Variants in SRL observed in about 807,000 individuals in gnomAD.
SRL encodes the protein sarcalumenin.
A neutral mutation model predicts 39.5 loss-of-function variants in SRL; 23 were observed. The observed-to-expected ratio is 0.58, with a 90% CI of 0.42 to 0.82. The LOEUF is 0.82. Among genes scored for constraint, SRL ranks in the 40% least tolerant of loss-of-function variants. The probability of loss-of-function intolerance (pLI) is 0.00; values close to 1 mark genes in which losing one functional copy is unlikely to be tolerated. For missense variants in SRL, 592 were observed against 607.8 expected (o/e 0.97, Z 0.27); for synonymous variants, 272 against 237.4 (o/e 1.15, Z -1.34).
chr16:4,229,745 T>G (rs959720426), intron 1 of SRL, among the ~76,000 whole-genome samples: 1 of 152,060 alleles, frequency 6.6e-6, no homozygotes, highest in African/African-American at 2.4e-5. Context: ...ACTACATCCA[T>G]GTAAAAAACC....
intron 1 of SRL, among the ~76,000 whole-genome samples, chr16:4,218,951 T>G (rs1307306582): frequency 2.0e-5 from 3 of 152,254 alleles, no homozygotes; most frequent in Non-Finnish European, 4.4e-5. Flanking sequence ...GGCCAGATTT[T>G]TCAACCTTCT....
chr16:4,213,398 CTTTT>C (rs2052416720), intron 1 of SRL, among the ~76,000 whole-genome samples: 1 of 96,296 alleles, frequency 1.0e-5, no homozygotes, highest in Non-Finnish European at 2.1e-5. Flanking sequence ...TTTTCTTTTT[CTTTT>C]TCTTTTTTTT....
rs1261098048 is a variant in SRL at position 4,190,486 on chromosome 16, C to G, written c.*1667G>C. 5.0e-6 allele frequency: 2 copies of G among 398,698 alleles called. No individual in the cohort carries two copies. The highest frequency in any genetic ancestry group is 8.8e-6 in the Non-Finnish European group (2 of 226,240). 24.7% of individuals were successfully genotyped at this position (398,698 alleles called of 1,614,324 possible). A position where few individuals can be genotyped will look rare whatever the true frequency, so the allele number is the denominator to read the frequency against. On this transcript the variant is annotated 3_prime_UTR_variant, in exon 6 of 6. Coordinates refer to ENST00000399609, the MANE Select transcript of SRL (RefSeq NM_001098814.2). ...CTCCTGGGCATGCACAGACTGTGCA[C>G]CATGCACATTTCACCATCCAAAGGC...
chr16:4,231,135 C>T (rs111609287), intron 1 of SRL, among the ~76,000 whole-genome samples: 24,737 of 151,992 alleles, frequency 0.16, 4,530 homozygotes, highest in African/African-American at 0.46. Flanking sequence ...GGCAACATGG[C>T]GAGAGCCCTG....
intron 4 of SRL, 44 bp downstream of exon 4, chr16:4,197,755 A>C (rs752709155): frequency 2.9e-6 from 4 of 1,357,698 alleles, no homozygotes; most frequent in Non-Finnish European, 2.1e-6. Context: ...GTGCTTTTAC[A>C]TACAACATTC....
In SRL at chr16:4,197,886, G is replaced by T; in HGVS notation, c.289C>A (p.Leu97Met). 1 of 1,613,882 alleles carries T rather than the reference G, an allele frequency of 6.2e-7. No homozygotes were observed. Among genetic ancestry groups the T allele is most frequent in the Non-Finnish European group, 8.5e-7 (1 of 1,179,696 alleles). ...DGEITSKPMV[L>M]FLGPWSVGKS... ...CCAACACTCCACGGTCCCAGGAACA[G>T]TACCATGGGCTTGGAGGTAATCTCT... Residue 97 changes from leucine (L) to methionine (M), a missense_variant, in exon 4 of 6, where the codon CTG becomes ATG. Transcript: ENST00000399609.
intron 1 of SRL, among the ~76,000 whole-genome samples, chr16:4,222,645 G>C (rs965787973): frequency 7.9e-6 from 1 of 126,918 alleles, no homozygotes; most frequent in African/African-American, 3.8e-5. Context: ...CCTGTGACTT[G>C]TCCCCACTGG....
At chr16:4,204,835 C>T (rs777961867) in intron 1 of SRL, among the ~76,000 whole-genome samples, 3 of 152,180 alleles carry the variant, frequency 2.0e-5, no homozygotes, top group Non-Finnish European at 2.9e-5. Context: ...TATTCGCATT[C>T]GGGGAGCTGG....
At chr16:4,206,430 C>G (rs1404556218) in intron 1 of SRL, among the ~76,000 whole-genome samples, 4 of 152,204 alleles carry the variant, frequency 2.6e-5, no homozygotes, top group Non-Finnish European at 5.9e-5. Flanking sequence ...CATTAGCTCG[C>G]TGCTCCTTTA....
intron 2 of SRL, 147 bp from the exon 3 acceptor site, chr16:4,203,408 G>C (rs1004879229): frequency 4.8e-6 from 3 of 630,866 alleles, no homozygotes; most frequent in Admixed American, 2.7e-5. Flanking sequence ...ACTGTGCAAT[G>C]TATTTGCATA....
intron 4 of SRL, among the ~76,000 whole-genome samples, chr16:4,196,448 G>A (rs1018391249): frequency 6.8e-6 from 1 of 148,034 alleles, no homozygotes; most frequent in African/African-American, 2.5e-5. Context: ...GCACTCTGGC[G>A]TCTCTCTCTC....
intron 3 of SRL, among the ~76,000 whole-genome samples, chr16:4,199,697 T>TC (rs1192709768): frequency 3.1e-5 from 4 of 130,090 alleles, no homozygotes; most frequent in African/African-American, 1.4e-4. Flanking sequence ...CTTTTCCTTT[T>TC]TTTTTTTTTT....
chr16:4,211,565 GTGA>G (rs1174538686), intron 1 of SRL, among the ~76,000 whole-genome samples: 2 of 135,624 alleles, frequency 1.5e-5, no homozygotes, highest in African/African-American at 6.1e-5. Context: ...GATGAGGATC[GTGA>G]TGATGATGAT....
At chr16:4,224,314 A>G (rs1285040297) in intron 1 of SRL, among the ~76,000 whole-genome samples, 1 of 152,104 alleles carries the variant, frequency 6.6e-6, no homozygotes, top group Non-Finnish European at 1.5e-5. Flanking sequence ...CAGTGCCTTC[A>G]CCCCACTACT....
chr16:4,203,016 C>T, intron 3 of SRL, 150 bp downstream of exon 3: 1 of 693,720 alleles, frequency 1.4e-6, no homozygotes, highest in Non-Finnish European at 2.5e-6. Flanking sequence ...GAGCCCAGAC[C>T]CAGACCCACA....
intron 1 of SRL, among the ~76,000 whole-genome samples, chr16:4,229,499 G>A (rs2052635691): frequency 6.6e-6 from 1 of 151,936 alleles, no homozygotes; most frequent in Non-Finnish European, 1.5e-5. Context: ...TGCAGCTGGA[G>A]GTCATTATCC....
At chr16:4,197,567 A>G (rs1354921930) in intron 4 of SRL, among the ~76,000 whole-genome samples, 1 of 151,446 alleles carries the variant, frequency 6.6e-6, no homozygotes, top group Non-Finnish European at 1.5e-5. Flanking sequence ...GATTACAGGA[A>G]CGTGTCACCA....
intron 1 of SRL, among the ~76,000 whole-genome samples, chr16:4,213,404 C>CTTTTTCTTTTTT (rs1237775177): frequency 4.3e-5 from 3 of 69,584 alleles, no homozygotes; most frequent in African/African-American, 2.5e-4. Flanking sequence ...TTTTCTTTTT[C>CTTTTTCTTTTTT]TTTTTTTTTT....
chr16:4,224,736 A>G (rs2052568601), intron 1 of SRL, among the ~76,000 whole-genome samples: 1 of 151,884 alleles, frequency 6.6e-6, no homozygotes, highest in Non-Finnish European at 1.5e-5. Flanking sequence ...AAAAAAAAGA[A>G]AAAAAAAGGA....
Sources: allele counts gnomAD v4.1 joint callset (sites outside exome capture counted in the v4.1 genomes callset), GRCh38; gene constraint gnomAD v4.1.1; transcripts MANE v1.5; gene names NCBI Gene and HGNC (gene_info 2026-07-23, HGNC 2026-07-21).